DOCK9: variants seen among roughly 807,000 people sequenced by gnomAD.
DOCK9 encodes dedicator of cytokinesis 9, also known as dedicator of cytokinesis protein 9.
DOCK9 carries 89 observed loss-of-function variants against 263.3 expected under a neutral mutation model. The ratio of observed to expected loss-of-function variants is 0.34; its 90% CI spans 0.28 to 0.40. The LOEUF (loss-of-function observed/expected upper bound fraction) is 0.40. Among genes scored for constraint, DOCK9 ranks in the 10% least tolerant of loss-of-function variants. The probability of loss-of-function intolerance (pLI) is 1.00; values close to 1 mark genes in which losing one functional copy is unlikely to be tolerated. For synonymous variants in DOCK9, 976 were observed against 973.1 expected, an observed-to-expected ratio of 1.00 and a Z score of -0.06; for missense variants, 2,140 against 2,603.4, an observed-to-expected ratio of 0.82 and a Z score of 3.87.
chr13:99,015,959 G>A (rs1028337875), intron 1 of DOCK9: 3 of 213,514 alleles, frequency 1.4e-5, no homozygotes, highest in Non-Finnish European at 2.5e-5. Context: ...GAAAACTGCC[G>A]GCTCCTGTGA....
intron 33 of DOCK9, chr13:98,860,157 A>G: frequency 1.5e-6 from 2 of 1,338,206 alleles, no homozygotes; most frequent in Non-Finnish European, 1.9e-6. Context: ...CGTTGAACAA[A>G]AAGCAAACAG....
At chr13:98,804,492 G>A (rs1417249487) in intron 49 of DOCK9, among the ~76,000 whole-genome samples, 1 of 152,212 alleles carries the variant, frequency 6.6e-6, no homozygotes, top group African/African-American at 2.4e-5. Context: ...CTTCCTGGCA[G>A]AGGAGGCATT....
intron 1 of DOCK9, among the ~76,000 whole-genome samples, chr13:99,047,162 G>A (rs1366439443): frequency 3.9e-5 from 6 of 152,182 alleles, no homozygotes; most frequent in African/African-American, 1.4e-4. Flanking sequence ...AGTTTCCCAA[G>A]ATAATGTGCT....
chr13:98,911,989 C>T (rs2050128470), intron 9 of DOCK9, among the ~76,000 whole-genome samples: 1 of 151,492 alleles, frequency 6.6e-6, no homozygotes, highest in African/African-American at 2.4e-5. Context: ...CCTGCCTCAG[C>T]CTCCCAAGTA....
At chr13:98,850,006 G>GA in intron 36 of DOCK9, 41 bp downstream of exon 36, 4 of 1,416,840 alleles carry the variant, frequency 2.8e-6, no homozygotes, top group Non-Finnish European at 3.9e-6. Flanking sequence ...AATGATCCAG[G>GA]AAAAAATCAA....
chr13:98,929,694 C>T (rs2053611561), intron 3 of DOCK9, among the ~76,000 whole-genome samples: 4 of 151,330 alleles, frequency 2.6e-5, no homozygotes, highest in Admixed American at 2.0e-4. Context: ...TATATATTGA[C>T]TAGCGATAGA....
In DOCK9 at chr13:98,872,133, T is replaced by A. The variant is rs543010266; in HGVS notation, c.2944-3756A>T. 2.0e-5 allele frequency: 3 copies of A among 152,398 alleles called. No individual in the cohort carries two copies. In the South Asian group the frequency reaches 6.2e-4, roughly 32 times the overall value. 9.4% of individuals were successfully genotyped at this position (152,398 alleles called of 1,614,324 possible). A position where few individuals can be genotyped will look rare whatever the true frequency, so the allele number is the denominator to read the frequency against. On this transcript the variant is annotated intron_variant, in intron 27 of 52. Coordinates refer to ENST00000682017, the MANE Select transcript of DOCK9 (RefSeq NM_001366683.2). ...TGAGGACTTCGGAATGGTCTTCAAATGTTCACTTCTTTGTTCTGCACTGTG... is the reference window on the plus strand; with the variant it reads ...TGAGGACTTCGGAATGGTCTTCAAAAGTTCACTTCTTTGTTCTGCACTGTG...
intron 7 of DOCK9, among the ~76,000 whole-genome samples, chr13:98,919,257 C>T (rs2051448697): frequency 6.6e-6 from 1 of 151,994 alleles, no homozygotes; most frequent in Admixed American, 6.6e-5. Context: ...TTACACGCAC[C>T]CACCACCACG....
At chr13:99,085,176 C>T (rs1172042899) in intron 1 of DOCK9, among the ~76,000 whole-genome samples, 2 of 152,238 alleles carry the variant, frequency 1.3e-5, no homozygotes, top group Middle Eastern at 3.2e-3. Flanking sequence ...GATGCATCCG[C>T]CCCTGTGTTA....
rs34359526 is a variant in DOCK9 at position 99,031,123 on chromosome 13, T to TTTA, written c.129+55099_129+55100insTAA. On this transcript the variant is annotated intron_variant, in intron 1 of 32. Transcript: ENST00000427887. ...TACTTTCTGTAATTGATGTTTTTTT[T>TTTA]AAAAAAAAGTATCCTTATCACTTTT... Among the ~76,000 whole-genome samples, 217 of 151,646 alleles carry TTTA rather than the reference T, an allele frequency of 1.4e-3. 1 individual carries two copies. Among genetic ancestry groups the TTTA allele is most frequent in the East Asian group, 2.9e-3 (15 of 5,154 alleles).
chr13:98,967,145 G>A lies in DOCK9; in HGVS notation c.126+10639C>T, dbSNP rs74832666. On this transcript the variant is annotated intron_variant, in intron 1 of 52. Transcript: ENST00000682017. ...ACTGCCTATTGGCTATGTCACCTTTGGACAAGTTGCTTATTTAACCTTTTA... is the reference window on the plus strand; with the variant it reads ...ACTGCCTATTGGCTATGTCACCTTTAGACAAGTTGCTTATTTAACCTTTTA... Among the ~76,000 whole-genome samples the A allele has an allele frequency of 3.9e-4, 60 of 152,254 alleles. No homozygotes were observed. In the East Asian group the frequency reaches 9.6e-3, roughly 24 times the overall value.
intron 34 of DOCK9, among the ~76,000 whole-genome samples, chr13:98,854,188 G>A (rs1342510734): frequency 6.6e-6 from 1 of 150,632 alleles, no homozygotes; most frequent in Non-Finnish European, 1.5e-5. Flanking sequence ...GGGCAAACAA[G>A]AGGGCAATTT....
intron 13 of DOCK9, among the ~76,000 whole-genome samples, chr13:98,900,599 T>C (rs2048121502): frequency 6.6e-6 from 1 of 152,234 alleles, no homozygotes; most frequent in Non-Finnish European, 1.5e-5. Context: ...TCTTCTGGGC[T>C]TTCTGTGATT....
At chr13:99,063,415 G>T (rs1329919827) in intron 1 of DOCK9, among the ~76,000 whole-genome samples, 1 of 152,186 alleles carries the variant, frequency 6.6e-6, no homozygotes, top group African/African-American at 2.4e-5. Flanking sequence ...CTGGGTGTGG[G>T]TACCCAGGTG....
chr13:98,799,351 CAT>C (rs1461652864), intron 50 of DOCK9, among the ~76,000 whole-genome samples: 31 of 152,194 alleles, frequency 2.0e-4, no homozygotes, highest in Non-Finnish European at 5.9e-5. Context: ...TATATACACA[CAT>C]GTACATATAC....
intron 1 of DOCK9, among the ~76,000 whole-genome samples, chr13:99,048,115 G>A (rs1341598821): frequency 6.6e-6 from 1 of 152,190 alleles, no homozygotes; most frequent in East Asian, 1.9e-4. Context: ...ATATTCCATT[G>A]TATTTTAAAG....
intron 1 of DOCK9, among the ~76,000 whole-genome samples, chr13:98,972,092 A>G (rs575973811): frequency 6.6e-6 from 1 of 152,354 alleles, no homozygotes; most frequent in South Asian, 2.1e-4. Context: ...CCCAAAGTCT[A>G]CAATCCTGGC....
intron 4 of DOCK9, among the ~76,000 whole-genome samples, chr13:98,925,197 T>G (rs116877635): frequency 0.034 from 5,095 of 151,950 alleles, 135 homozygotes; most frequent in Middle Eastern, 0.092. Context: ...TAAATAAATC[T>G]CTTTTCTTTA....
In DOCK9 at chr13:98,942,182, CTTTT is replaced by C. The variant is rs1300738485; in HGVS notation, c.244-11929_244-11926del. 2.8e-5 allele frequency among the ~76,000 whole-genome samples: 4 copies of C among 143,738 alleles called. No homozygotes were observed. The East Asian group carries it at 6.1e-4, about 22-fold the overall frequency. 94.3% of individuals were successfully genotyped at this position (143,738 alleles called of 152,430 possible). A position where few individuals can be genotyped will look rare whatever the true frequency, so the allele number is the denominator to read the frequency against. ...TAAGTAAGTGTACTTTCTTTACTTT[CTTTT>C]GTTTTCCAGTTGTCTGTATGTGTCT... On this transcript the variant is annotated intron_variant, in intron 2 of 52. Coordinates refer to ENST00000682017, the MANE Select transcript of DOCK9 (RefSeq NM_001366683.2).
Sources: gnomAD v4.1 joint callset for allele counts (sites outside exome capture counted in the v4.1 genomes callset) on GRCh38, gnomAD v4.1.1 for gene constraint, MANE v1.5 for transcripts, NCBI Gene and HGNC (gene_info 2026-07-23, HGNC 2026-07-21) for gene names.